The following FRMD4A variants were observed in gnomAD, a reference collection of about 807,000 sequenced individuals.
FRMD4A encodes the protein FERM domain-containing protein 4A.
FRMD4A carries 29 observed loss-of-function variants against 129.1 expected under a neutral mutation model. The ratio of observed to expected loss-of-function variants is 0.22; its 90% CI spans 0.17 to 0.31. The LOEUF (loss-of-function observed/expected upper bound fraction) is 0.31, where lower values mean the gene tolerates loss of function less well. Ranked by LOEUF, FRMD4A falls within the 10% of genes least tolerant of loss-of-function variation. The pLI, the probability that FRMD4A is intolerant of heterozygous loss-of-function variation, is 1.00. For synonymous variants in FRMD4A, 634 were observed against 571.6 expected (o/e 1.11, Z -1.56); for missense variants, 1,272 against 1,375.8 (o/e 0.92, Z 1.19).
At chr10:13,718,852 C>T (rs1013786805) in intron 12 of FRMD4A, among the ~76,000 whole-genome samples, 7 of 152,340 alleles carry the variant, frequency 4.6e-5, no homozygotes, top group African/African-American at 1.2e-4. Context: ...CATGTGGTGC[C>T]GTAATGGCTT....
At chr10:13,900,523 T>C (rs948147924) in intron 2 of FRMD4A, among the ~76,000 whole-genome samples, 1 of 152,196 alleles carries the variant, frequency 6.6e-6, no homozygotes, top group Admixed American at 6.5e-5. Context: ...TAAAATTGGT[T>C]AACATTCTAA....
intron 2 of FRMD4A, among the ~76,000 whole-genome samples, chr10:13,956,167 T>G (rs1216704102): frequency 6.6e-6 from 1 of 152,218 alleles, no homozygotes; most frequent in East Asian, 1.9e-4. Context: ...TTCTTTTGTT[T>G]TTTTAGACAG....
intron 2 of FRMD4A, among the ~76,000 whole-genome samples, chr10:14,079,844 A>G (rs1039907638): frequency 1.3e-5 from 2 of 152,162 alleles, no homozygotes; most frequent in African/African-American, 4.8e-5. Context: ...GCAGATAGAC[A>G]TATTGAATGT....
intron 2 of FRMD4A, among the ~76,000 whole-genome samples, chr10:14,228,516 A>G (rs972118422): frequency 6.6e-6 from 1 of 152,204 alleles, no homozygotes; most frequent in Non-Finnish European, 1.5e-5. Flanking sequence ...TTATTTGAAG[A>G]AAGCAAAAAG....
rs984214129 is a variant in FRMD4A at position 13,679,682 on chromosome 10, C to T, written c.1118-4638G>A. ...AACCTGCTGCATGTATTCAGGTTGC[C>T]GTATTGTAACGAAAAGAGGTTCCCA... On this transcript the variant is annotated intron_variant, in intron 15 of 24. Transcript: ENST00000357447. Among the ~76,000 whole-genome samples, 10 of 151,542 alleles carry T rather than the reference C, an allele frequency of 6.6e-5. No homozygotes were observed. The East Asian group carries it at 7.8e-4, about 12-fold the overall frequency.
chr10:13,861,509 C>T (rs914503609), intron 2 of FRMD4A, among the ~76,000 whole-genome samples: 1 of 152,184 alleles, frequency 6.6e-6, no homozygotes, highest in Non-Finnish European at 1.5e-5. Context: ...AATGACTTAG[C>T]AGCCCCCAGC....
chr10:13,780,992 A>G (rs1408254694), intron 6 of FRMD4A, among the ~76,000 whole-genome samples: 1 of 152,220 alleles, frequency 6.6e-6, no homozygotes, highest in African/African-American at 2.4e-5. Flanking sequence ...ACAGACAATA[A>G]AATGTTATTT....
At chr10:13,763,444 A>G (rs1452013136) in intron 6 of FRMD4A, among the ~76,000 whole-genome samples, 1 of 152,196 alleles carries the variant, frequency 6.6e-6, no homozygotes, top group East Asian at 1.9e-4. Context: ...CATTTCTTTC[A>G]TGTGCTCAAT....
intron 15 of FRMD4A, chr10:13,685,439 T>C (rs1277081061): frequency 1.1e-5 from 11 of 985,056 alleles, no homozygotes; most frequent in Non-Finnish European, 1.3e-5. Context: ...GCTGAAACTA[T>C]GGTTTGTAAA....
intron 6 of FRMD4A, among the ~76,000 whole-genome samples, chr10:13,769,864 G>C (rs1319826828): frequency 6.6e-6 from 1 of 152,038 alleles, no homozygotes; most frequent in Non-Finnish European, 1.5e-5. Context: ...TCCTTGGACT[G>C]GGACTTATAC....
intron 2 of FRMD4A, among the ~76,000 whole-genome samples, chr10:14,025,287 T>G (rs562344014): frequency 2.7e-5 from 4 of 147,824 alleles, no homozygotes; most frequent in African/African-American, 1.0e-4. Flanking sequence ...CCTTTTCTGC[T>G]TCCAAAGTTT....
intron 8 of FRMD4A, among the ~76,000 whole-genome samples, chr10:13,750,109 G>GAAGAAAGAAAGAAAGA (rs137911059): frequency 0.084 from 6,189 of 73,352 alleles, 465 homozygotes; most frequent in East Asian, 0.22. Flanking sequence ...AGAAAGAAAT[G>GAAGAAAGAAAGAAAGA]AAGAAAGAAA....
chr10:13,936,215 G>A (rs2095247840), intron 2 of FRMD4A, among the ~76,000 whole-genome samples: 1 of 152,148 alleles, frequency 6.6e-6, no homozygotes. Flanking sequence ...TATGATCTTA[G>A]GGGAAAGTAA....
chr10:14,321,935 G>A, intron 2 of FRMD4A, among the ~76,000 whole-genome samples: 1 of 152,120 alleles, frequency 6.6e-6, no homozygotes, highest in East Asian at 1.9e-4. Flanking sequence ...GTTTCAAAGT[G>A]TGTAGCACTT....
chr10:14,140,153 C>A (rs1839761441), intron 2 of FRMD4A, among the ~76,000 whole-genome samples: 1 of 152,072 alleles, frequency 6.6e-6, no homozygotes, highest in Non-Finnish European at 1.5e-5. Flanking sequence ...CCTCTCCCTC[C>A]CAGGTTCAAG....
At chr10:14,276,440 C>A (rs1845343547) in intron 2 of FRMD4A, among the ~76,000 whole-genome samples, 1 of 152,220 alleles carries the variant, frequency 6.6e-6, no homozygotes. Flanking sequence ...TTGCTTTACT[C>A]CTGCCTCTCA....
chr10:14,227,683 C>A (rs1455297142), intron 2 of FRMD4A, among the ~76,000 whole-genome samples: 1 of 152,104 alleles, frequency 6.6e-6, no homozygotes, highest in Non-Finnish European at 1.5e-5. Flanking sequence ...TACTGAAATA[C>A]CCAATTTCTG....
chr10:13,725,910 T>A (rs2089857053), intron 12 of FRMD4A, among the ~76,000 whole-genome samples: 1 of 152,234 alleles, frequency 6.6e-6, no homozygotes, highest in Non-Finnish European at 1.5e-5. Context: ...AAAATTAGAC[T>A]ACATCTATTC....
intron 2 of FRMD4A, among the ~76,000 whole-genome samples, chr10:14,277,401 A>C (rs1231049825): frequency 6.6e-6 from 1 of 152,204 alleles, no homozygotes; most frequent in Non-Finnish European, 1.5e-5. Flanking sequence ...GAATGGGATT[A>C]GTGTGCTTGT....
Sources: gnomAD v4.1 joint callset for allele counts (sites outside exome capture counted in the v4.1 genomes callset) on GRCh38, gnomAD v4.1.1 for gene constraint, MANE v1.5 for transcripts, NCBI Gene and HGNC (gene_info 2026-07-23, HGNC 2026-07-21) for gene names.